Variants in GMDS observed in about 807,000 individuals in gnomAD.
The protein encoded by GMDS is GDP-mannose 4,6 dehydratase.
Under a neutral mutation model 49.9 loss-of-function variants are expected in GMDS, and 20 were observed. The observed-to-expected ratio is 0.40, with a 90% CI of 0.28 to 0.58. GMDS has a LOEUF of 0.58. GMDS is among the 20% of genes least tolerant of loss of function. The pLI, the probability that GMDS is intolerant of heterozygous loss-of-function variation, is 0.42. For synonymous variants in GMDS, 177 were observed against 178.6 expected (o/e 0.99, Z 0.07); for missense variants, 362 against 481.4 (o/e 0.75, Z 2.32).
At chr6:1,900,962 G>A (rs1760473023) in intron 7 of GMDS, among the ~76,000 whole-genome samples, 2 of 152,246 alleles carry the variant, frequency 1.3e-5, no homozygotes, top group Non-Finnish European at 2.9e-5. Flanking sequence ...AAGGGAGAAA[G>A]TAGTTATGCT....
At position 1,766,499 on chromosome 6, in the gene GMDS, A is replaced by G. The variant is rs1768358829; in HGVS notation, c.772-23913T>C. Among the ~76,000 whole-genome samples the G allele has an allele frequency of 1.3e-5, 2 of 152,280 alleles. No individual in the cohort carries two copies. The highest frequency in any genetic ancestry group is 2.9e-5 in the Non-Finnish European group (2 of 68,014). ...TGAGTATCATATTTATATATCTGCT[A>G]TAACTCACTTTCTAATGAACAAAGT... On this transcript the variant is annotated intron_variant, in intron 7 of 10. Coordinates refer to ENST00000380815, the MANE Select transcript of GMDS (RefSeq NM_001500.4). This position sits in a 1 kb window ranked among gnomAD's most constrained non-coding sequence, Gnocchi z 4.5.
intron 7 of GMDS, among the ~76,000 whole-genome samples, chr6:1,776,397 G>T (rs1397854367): frequency 6.6e-6 from 1 of 152,124 alleles, no homozygotes; most frequent in African/African-American, 2.4e-5. Flanking sequence ...TTCAAAAAAT[G>T]GTCTGTGGGG....
intron 1 of GMDS, among the ~76,000 whole-genome samples, chr6:2,152,096 T>C (rs547364314): frequency 6.6e-6 from 1 of 152,312 alleles, no homozygotes; most frequent in South Asian, 2.1e-4. Context: ...TTCTCTAATC[T>C]GAAAATATCA....
chr6:1,841,142 T>A (rs939590228), intron 7 of GMDS, among the ~76,000 whole-genome samples: 3 of 152,176 alleles, frequency 2.0e-5, no homozygotes, highest in South Asian at 4.1e-4. Flanking sequence ...AAAGATCCTA[T>A]GTAGTAAAAG....
At chr6:1,923,821 A>G (rs768958206) in intron 7 of GMDS, among the ~76,000 whole-genome samples, 2 of 152,238 alleles carry the variant, frequency 1.3e-5, no homozygotes, top group Non-Finnish European at 2.9e-5. Flanking sequence ...TTTGTGTAAC[A>G]TAGGATACAA....
chr6:1,920,430 T>C (rs957017144), intron 7 of GMDS, among the ~76,000 whole-genome samples: 5 of 152,226 alleles, frequency 3.3e-5, no homozygotes, highest in African/African-American at 1.2e-4. Flanking sequence ...GAGATTTGAC[T>C]TCTAGCTTGT....
intron 4 of GMDS, among the ~76,000 whole-genome samples, chr6:2,039,221 C>T (rs753457173): frequency 6.6e-6 from 1 of 152,100 alleles, no homozygotes; most frequent in African/African-American, 2.4e-5. Context: ...ATGGTACATC[C>T]GTATAAGGTA....
At chr6:1,630,657 C>T (rs1004429795) in intron 9 of GMDS, among the ~76,000 whole-genome samples, 2 of 152,236 alleles carry the variant, frequency 1.3e-5, no homozygotes, top group Non-Finnish European at 2.9e-5. Context: ...CCATATAAGA[C>T]TTTGGGGATG....
In GMDS at chr6:1,675,852, C is replaced by CAA. The variant is rs70989197; in HGVS notation, c.987+50562_987+50563dup. On this transcript the variant is annotated intron_variant, in intron 9 of 10. Coordinates refer to ENST00000380815, the MANE Select transcript of GMDS (RefSeq NM_001500.4). The stretch of plus-strand genomic sequence containing the variant: ...TGGGCCACACAGTGAGACTCTGTCT[C>CAA]AAAAAAAAAAAAAATGATAAAGGGG... 3.5e-3 allele frequency among the ~76,000 whole-genome samples: 452 copies of CAA among 127,832 alleles called. 3 individuals carry two copies. The highest frequency in any genetic ancestry group is 0.017 in the South Asian group (70 of 4,008). 83.9% of individuals were successfully genotyped at this position (127,832 alleles called of 152,430 possible).
At chr6:2,130,615 A>G (rs2127517367) in intron 1 of GMDS, among the ~76,000 whole-genome samples, 1 of 152,330 alleles carries the variant, frequency 6.6e-6, no homozygotes, top group Middle Eastern at 3.4e-3. Context: ...AGGCTAACCA[A>G]GTATCAGCAT....
At position 2,014,122 on chromosome 6, in the gene GMDS, C is replaced by G. The variant is rs879878099; in HGVS notation, c.346-53156G>C. 2.9e-5 allele frequency among the ~76,000 whole-genome samples: 4 copies of G among 138,694 alleles called. 1 individual carries two copies. Among genetic ancestry groups the G allele is most frequent in the South Asian group, 2.4e-4 (1 of 4,178 alleles). 91.0% of individuals were successfully genotyped at this position (138,694 alleles called of 152,430 possible). Reference sequence around the variant, plus strand: ...ATATACAACAAAATTATCCCCCCCCCCCAAAAAAATAAAAATAAAAACTTT... The same window carrying G: ...ATATACAACAAAATTATCCCCCCCCGCCAAAAAAATAAAAATAAAAACTTT... On this transcript the variant is annotated intron_variant, in intron 4 of 10. Transcript: ENST00000380815.
chr6:1,946,445 G>A (rs564387401), intron 6 of GMDS, among the ~76,000 whole-genome samples: 2 of 152,316 alleles, frequency 1.3e-5, no homozygotes, highest in South Asian at 2.1e-4. Flanking sequence ...GGGATTAAAA[G>A]AGATGAGTGA....
intron 1 of GMDS, among the ~76,000 whole-genome samples, chr6:2,133,778 A>C (rs1775859144): frequency 6.6e-6 from 1 of 152,226 alleles, no homozygotes; most frequent in Admixed American, 6.5e-5. Context: ...TTACCCAGAA[A>C]GGTGCAGATC....
At chr6:2,203,196 G>A (rs1166754031) in intron 1 of GMDS, among the ~76,000 whole-genome samples, 1 of 152,148 alleles carries the variant, frequency 6.6e-6, no homozygotes, top group Non-Finnish European at 1.5e-5. Flanking sequence ...GCCACTGGGG[G>A]GTTGGGGGGT....
intron 9 of GMDS, among the ~76,000 whole-genome samples, chr6:1,665,196 C>T (rs1764201017): frequency 6.6e-6 from 1 of 152,174 alleles, no homozygotes; most frequent in East Asian, 1.9e-4. Flanking sequence ...GTGCTGCACC[C>T]ATTAACTCGT....
At chr6:1,729,312 C>T (rs558747824) in intron 8 of GMDS, among the ~76,000 whole-genome samples, 108 of 152,330 alleles carry the variant, frequency 7.1e-4, no homozygotes, top group African/African-American at 2.4e-3. Context: ...TGGCACTCAA[C>T]AGGCACCAGC....
intron 1 of GMDS, among the ~76,000 whole-genome samples, chr6:2,157,318 C>T (rs995018960): frequency 1.3e-5 from 2 of 152,196 alleles, no homozygotes; most frequent in African/African-American, 4.8e-5. Flanking sequence ...TAGAGACCTC[C>T]ACTAAGATAG....
At chr6:2,176,254 C>G (rs778337826) in intron 1 of GMDS, among the ~76,000 whole-genome samples, 10 of 151,966 alleles carry the variant, frequency 6.6e-5, no homozygotes, top group Non-Finnish European at 1.2e-4. Flanking sequence ...TTAGAAAAAC[C>G]CATTTTTCTT....
intron 4 of GMDS, among the ~76,000 whole-genome samples, chr6:1,999,551 C>T (rs1383028018): frequency 6.6e-6 from 1 of 151,318 alleles, no homozygotes; most frequent in Non-Finnish European, 1.5e-5. Context: ...TTGGAATTTA[C>T]AAGTTCAAAT....
Sources: gnomAD v4.1 joint callset for allele counts (sites outside exome capture counted in the v4.1 genomes callset) on GRCh38, gnomAD v4.1.1 for gene constraint, Gnocchi (gnomAD v3.1) non-coding constraint, MANE v1.5 for transcripts, NCBI Gene and HGNC (gene_info 2026-07-23, HGNC 2026-07-21) for gene names.